MTHFD1: variants seen among roughly 807,000 people sequenced by gnomAD.
The protein encoded by MTHFD1 is methylenetetrahydrofolate dehydrogenase, cyclohydrolase and formyltetrahydrofolate synthetase 1.
Under a neutral mutation model 110.3 loss-of-function variants are expected in MTHFD1, and 44 were observed. The observed-to-expected ratio is 0.40, with a 90% CI of 0.31 to 0.51. The LOEUF is 0.51. Ranked by LOEUF, MTHFD1 falls within the 20% of genes least tolerant of loss-of-function variation. The pLI, the probability that MTHFD1 is intolerant of heterozygous loss-of-function variation, is 0.60. For missense variants in MTHFD1, 909 were observed against 1,173.1 expected (o/e 0.77, Z 3.29); for synonymous variants, 402 against 428.8 (o/e 0.94, Z 0.77).
intron 19 of MTHFD1, 121 bp downstream of exon 19, chr14:64,441,574 A>G (rs545304067): frequency 2.2e-5 from 18 of 817,332 alleles, no homozygotes; most frequent in East Asian, 1.1e-4. Context: ...TGGGAGGCCA[A>G]GGTGGGCAGA....
intron 13 of MTHFD1, among the ~76,000 whole-genome samples, chr14:64,430,599 A>G (rs944843700): frequency 2.0e-5 from 3 of 152,150 alleles, no homozygotes; most frequent in African/African-American, 7.2e-5. Context: ...CCCAGCCTAG[A>G]TTCTTTATTA....
chr14:64,443,138 T>C (rs548575470), intron 21 of MTHFD1, among the ~76,000 whole-genome samples: 1 of 152,312 alleles, frequency 6.6e-6, no homozygotes, highest in African/African-American at 2.4e-5. Context: ...GCCTACAGGA[T>C]AAAAATCAAA....
Position 64,458,290 on chromosome 14 carries a change from A to G in MTHFD1, c.2795A>G (p.Asn932Ser). 8.7e-6 allele frequency: 14 copies of G among 1,612,680 alleles called. No individual in the cohort carries two copies. The highest frequency in any genetic ancestry group is 1.2e-5 in the Non-Finnish European group (14 of 1,178,714). Residue 932 changes from asparagine to serine, a missense_variant, in exon 27 of 28, where the codon AAT (asparagine) becomes AGT (serine). Physicochemically the swap from Asn to Ser is conservative, Grantham distance 46. Coordinates refer to ENST00000652337, the MANE Select transcript of MTHFD1 (RefSeq NM_005956.4). The part of the protein sequence containing the change: ...IDLDPETEQV[N>S]GLF ...TTGGACCCTGAAACAGAACAGGTGA[A>G]TGGATTATTCTAAACAGGTAAGTTG...
At chr14:64,406,884 T>C (rs1415354422) in intron 2 of MTHFD1, among the ~76,000 whole-genome samples, 1 of 152,206 alleles carries the variant, frequency 6.6e-6, no homozygotes, top group East Asian at 1.9e-4. Context: ...ATGTAGGAGA[T>C]GTCCCCTTAT....
In MTHFD1 at chr14:64,426,175, A is replaced by G. The variant is rs757750873; in HGVS notation, c.1110A>G (p.Lys370=). The change falls in exon 11 of 28, where the codon AAA becomes AAG. Residue 370 remains lysine, a synonymous_variant. Coordinates refer to ENST00000652337, the MANE Select transcript of MTHFD1 (RefSeq NM_005956.4). ...GCCTGAAGCACCGGCCTGATGGGAA[A>G]TACGTGGTGGTGACTGGGTATGCTT... ...LERLKHRPDG[K]YVVVTGITPT... 3 of 1,614,150 alleles carry G rather than the reference A, an allele frequency of 1.9e-6. No individual in the cohort carries two copies. Among genetic ancestry groups the G allele is most frequent in the Non-Finnish European group, 2.5e-6 (3 of 1,180,018 alleles).
chr14:64,404,963 T>A (rs1184588082), intron 2 of MTHFD1, among the ~76,000 whole-genome samples: 17 of 144,458 alleles, frequency 1.2e-4, no homozygotes, highest in African/African-American at 2.5e-4. Context: ...CGTCTCAATT[T>A]AAAAAAAAAA....
At chr14:64,449,665 G>A (rs758181315) in intron 24 of MTHFD1, 43 bp downstream of exon 24, 4 of 1,604,942 alleles carry the variant, frequency 2.5e-6, no homozygotes, top group Non-Finnish European at 3.4e-6. Flanking sequence ...AAGACGAAAA[G>A]GGCACAGTGA....
At chr14:64,415,604 C>G (rs1430005512) in intron 5 of MTHFD1, 35 bp from the exon 6 acceptor site, 2 of 1,612,768 alleles carry the variant, frequency 1.2e-6, no homozygotes, top group African/African-American at 1.3e-5. Context: ...ATCTAATTGC[C>G]TTTATTTCCT....
intron 15 of MTHFD1, among the ~76,000 whole-genome samples, chr14:64,434,819 C>A (rs1407514208): frequency 7.0e-6 from 1 of 143,696 alleles, no homozygotes; most frequent in Non-Finnish European, 1.5e-5. Context: ...GCGATGAATT[C>A]TGTTTTTTTT....
chr14:64,454,902 G>A, intron 26 of MTHFD1, 27 bp downstream of exon 26: 3 of 1,612,344 alleles, frequency 1.9e-6, no homozygotes, highest in South Asian at 1.1e-5. Flanking sequence ...AGGGAGTAGT[G>A]GGCGCATCTG....
chr14:64,426,464 C>CTGTTGT (rs571611271), intron 11 of MTHFD1, among the ~76,000 whole-genome samples: 1 of 151,918 alleles, frequency 6.6e-6, no homozygotes, highest in East Asian at 1.9e-4. Flanking sequence ...TCACCTTTTG[C>CTGTTGT]TGTTGTTGTT....
chr14:64,430,195 G>A lies in MTHFD1; in HGVS notation c.1276G>A (p.Gly426Arg). ...PTFGIKGGAA[G>R]GGYSQVIPME... is the part of the protein sequence containing the mutation. ...GACCTGTCCCCTAGGTGGCGCTGCAGGAGGCGGCTACTCCCAGGTCATTCC... is the reference window on the plus strand; with the variant it reads ...GACCTGTCCCCTAGGTGGCGCTGCAAGAGGCGGCTACTCCCAGGTCATTCC... The change falls in exon 13 of 28, where the codon GGA becomes AGA. Residue 426 changes from glycine (G) to arginine (R), a missense_variant. Around this residue, in one of 3 missense-constraint regions of MTHFD1, gnomAD observed 3 missense variants for 16.7 expected, o/e 0.18. Coordinates refer to ENST00000652337, the MANE Select transcript of MTHFD1 (RefSeq NM_005956.4). The A allele has an allele frequency of 6.2e-7, 1 of 1,613,710 alleles. No homozygotes were observed. Among genetic ancestry groups the A allele is most frequent in the Non-Finnish European group, 8.5e-7 (1 of 1,180,004 alleles).
At chr14:64,418,921 A>G (rs993393463) in intron 7 of MTHFD1, among the ~76,000 whole-genome samples, 2 of 151,710 alleles carry the variant, frequency 1.3e-5, no homozygotes, top group African/African-American at 2.4e-5. Context: ...GTGGCAGTCC[A>G]TGAGAGCCCA....
At chr14:64,450,295 G>C (rs1337923493) in intron 24 of MTHFD1, among the ~76,000 whole-genome samples, 2 of 152,246 alleles carry the variant, frequency 1.3e-5, no homozygotes, top group Non-Finnish European at 2.9e-5. Context: ...TAGCAGATTG[G>C]TAAGGGGCTG....
intron 5 of MTHFD1, 34 bp downstream of exon 5, chr14:64,415,528 A>C (rs2078018911): frequency 1.5e-5 from 25 of 1,613,856 alleles, no homozygotes; most frequent in Non-Finnish European, 2.0e-5. Flanking sequence ...GTCTCATTGC[A>C]TGCTTTCATT....
At chr14:64,423,326 T>C (rs572522566) in intron 8 of MTHFD1, among the ~76,000 whole-genome samples, 8 of 152,254 alleles carry the variant, frequency 5.3e-5, no homozygotes, top group African/African-American at 1.9e-4. Context: ...CATTTTGCCC[T>C]CAGCAAATTT....
At chr14:64,413,739 G>C (rs2140954855) in intron 4 of MTHFD1, among the ~76,000 whole-genome samples, 2 of 152,298 alleles carry the variant, frequency 1.3e-5, no homozygotes, top group South Asian at 4.1e-4. Context: ...AAAGATGATT[G>C]GACATTGCTG....
At chr14:64,399,840 A>G (rs1240240347) in intron 1 of MTHFD1, among the ~76,000 whole-genome samples, 1 of 152,054 alleles carries the variant, frequency 6.6e-6, no homozygotes, top group Non-Finnish European at 1.5e-5. Context: ...CAATGGCACC[A>G]TCATAGCTCA....
intron 12 of MTHFD1, among the ~76,000 whole-genome samples, chr14:64,428,972 TTTACTC>T (rs1266582684): frequency 6.6e-6 from 1 of 152,218 alleles, no homozygotes; most frequent in South Asian, 2.1e-4. Context: ...TTATTTTCCT[TTTACTC>T]TTACTGCAAA....
Sources: gnomAD v4.1 joint callset for allele counts (sites outside exome capture counted in the v4.1 genomes callset) on GRCh38, gnomAD v4.1.1 for gene constraint, gnomAD v4.1.1 regional missense constraint, MANE v1.5 for transcripts, NCBI Gene and HGNC (gene_info 2026-07-23, HGNC 2026-07-21) for gene names.